The following C12orf60 variants were observed in gnomAD, a reference collection of about 807,000 sequenced individuals.
The protein encoded by C12orf60 is uncharacterized protein C12orf60.
For missense variants in C12orf60, 284 were observed against 283.2 expected, an observed-to-expected ratio of 1.00 and a Z score of -0.02; for synonymous variants, 102 against 94.6, an observed-to-expected ratio of 1.08 and a Z score of -0.45.
rs777335260 is a variant in C12orf60, at chr12:14,823,274, A to G, written c.339A>G (p.Glu113=). The change falls in exon 2 of 2, where the codon GAA becomes GAG. Residue 113 remains glutamate, a synonymous_variant. Transcript: ENST00000330828. ...AGGAGTTGCATCAGTCAGCTAAAGAAGTATTCAAAAGTGCCCATACGCCAG... is the reference window on the plus strand; with the variant it reads ...AGGAGTTGCATCAGTCAGCTAAAGAGGTATTCAAAAGTGCCCATACGCCAG... ...NVEELHQSAK[E]VFKSAHTPVI... 1 of 1,614,144 alleles carries G rather than the reference A, an allele frequency of 6.2e-7. No individual in the cohort carries two copies. The highest frequency in any genetic ancestry group is 1.7e-5 in the Admixed American group (1 of 60,024).
At chr12:14,805,017 G>A (rs1296606809) in intron 1 of C12orf60, 3 of 152,184 alleles carry the variant, frequency 2.0e-5, no homozygotes, top group East Asian at 1.9e-4. Context: ...GAGATTCAGC[G>A]GAACCATTAA....
Position 14,823,491 on chromosome 12 carries a change from G to A in C12orf60, c.556G>A (p.Asp186Asn). 1.9e-6 allele frequency: 3 copies of A among 1,612,918 alleles called. No individual in the cohort carries two copies. The highest frequency in any genetic ancestry group is 2.5e-6 in the Non-Finnish European group (3 of 1,179,736). ...PPGSSKTTMI[D>N]TLKKLQDVLK... is the part of the protein sequence containing the mutation. ...AGGTTCTTCCAAAACCACTATGATAGACACCTTGAAAAAACTGCAGGATGT... is the reference window on the plus strand; with the variant it reads ...AGGTTCTTCCAAAACCACTATGATAAACACCTTGAAAAAACTGCAGGATGT... The change falls in exon 2 of 2, where the codon GAC (aspartate) becomes AAC (asparagine). Residue 186 changes from aspartate to asparagine, a missense_variant. Asp to Asn is a conservative substitution (Grantham distance 23, BLOSUM62 1). Coordinates refer to ENST00000330828, the MANE Select transcript of C12orf60 (RefSeq NM_175874.4).
chr12:14,814,748 A>C (rs150301887), intron 1 of C12orf60, among the ~76,000 whole-genome samples: 70 of 152,280 alleles, frequency 4.6e-4, no homozygotes, highest in African/African-American at 1.7e-3. Flanking sequence ...TTTCCCTGAA[A>C]GCTCAGATCA....
rs141381991 is a variant in C12orf60, at chr12:14,803,755, C to G, written c.-25+4C>G. On this transcript the variant is annotated splice_donor_region_variant and intron_variant, in intron 1 of 1. Coordinates refer to ENST00000330828, the MANE Select transcript of C12orf60 (RefSeq NM_175874.4). ...TGACTTAGTTGCTGGGAGCCTGGTA[C>G]GTTGAGCCGTCCGAGAACGGTACAT... is the stretch of plus-strand genomic sequence containing the variant. 1 of 355,846 alleles carries G rather than the reference C, an allele frequency of 2.8e-6. No individual in the cohort carries two copies. The highest frequency in any genetic ancestry group is 5.0e-6 in the Non-Finnish European group (1 of 199,616). The allele number at this position is 355,846 out of a possible 1,614,324, so 22.0% of individuals were successfully genotyped here. A position where few individuals can be genotyped will look rare whatever the true frequency, so the allele number is the denominator to read the frequency against.
chr12:14,806,818 A>G, intron 1 of C12orf60: 1 of 893,362 alleles, frequency 1.1e-6, no homozygotes, highest in South Asian at 1.8e-5. Context: ...GTCTAAGGAT[A>G]ATTCCTCAGA....
Position 14,823,303 on chromosome 12 carries a change from T to C in C12orf60, c.368T>C (p.Ile123Thr). Residue 123 changes from isoleucine (I) to threonine (T), a missense_variant, in exon 2 of 2, where the codon ATC becomes ACC. By Grantham distance (89) the Ile-to-Thr change is moderately conservative. Coordinates refer to ENST00000330828, the MANE Select transcript of C12orf60 (RefSeq NM_175874.4). ...TTCAAAAGTGCCCATACGCCAGTCA[T>C]CATCTCTGTGCTAAACAGCAGTAAC... is the stretch of plus-strand genomic sequence containing the variant. ...EVFKSAHTPVIISVLNSSNIL... is the reference protein window; with the variant it reads ...EVFKSAHTPVTISVLNSSNIL... 6.2e-7 allele frequency: 1 copy of C among 1,614,162 alleles called. No individual in the cohort carries two copies. Among genetic ancestry groups the C allele is most frequent in the Non-Finnish European group, 8.5e-7 (1 of 1,180,024 alleles).
At chr12:14,806,129 T>C in intron 1 of C12orf60, 1 of 1,614,172 alleles carries the variant, frequency 6.2e-7, no homozygotes, top group South Asian at 1.1e-5. Flanking sequence ...GCTGTGTTTT[T>C]TCCACTGCTC....
chr12:14,813,527 CA>C (rs1476139291), intron 1 of C12orf60, among the ~76,000 whole-genome samples: 6 of 152,302 alleles, frequency 3.9e-5, no homozygotes, highest in Admixed American at 6.5e-5. Flanking sequence ...ATATTAAAGT[CA>C]TTCATCAGCA....
At position 14,823,541 on chromosome 12, in the gene C12orf60, T is replaced by C. The variant is rs561466160; in HGVS notation, c.606T>C (p.Asn202=). ...QDVLKTEDSK[N]PTKSAADLLE... is the part of the protein sequence containing the mutation. ...TACTAAAAACTGAGGATTCCAAAAA[T>C]CCCACAAAGTCAGCAGCAGATTTGT... The change falls in exon 2 of 2, where the codon AAT becomes AAC. Residue 202 remains asparagine, a synonymous_variant. Coordinates refer to ENST00000330828, the MANE Select transcript of C12orf60 (RefSeq NM_175874.4). 1.3e-5 allele frequency: 21 copies of C among 1,613,700 alleles called. No homozygotes were observed. In the Admixed American group the frequency reaches 2.8e-4, roughly 22 times the overall value.
At position 14,823,080 on chromosome 12, in the gene C12orf60, G is replaced by C. The variant is rs1284612873; in HGVS notation, c.145G>C (p.Ala49Pro). The C allele has an allele frequency of 3.7e-6, 6 of 1,613,998 alleles. No homozygotes were observed. In the African/African-American group the frequency reaches 8.0e-5, roughly 22 times the overall value. The change falls in exon 2 of 2, where the codon GCT (alanine) becomes CCT (proline). Residue 49 changes from alanine to proline, a missense_variant. Coordinates refer to ENST00000330828, the MANE Select transcript of C12orf60 (RefSeq NM_175874.4). ...TATGAATACTCAAATCCTTTTGATG[G>C]CTGTGAAAAACAATAGTTACATTAA... ...RSMNTQILLM[A>P]VKNNSYIKDF...
intron 1 of C12orf60, among the ~76,000 whole-genome samples, chr12:14,817,063 A>C (rs1042259002): frequency 6.6e-6 from 1 of 152,178 alleles, no homozygotes; most frequent in Non-Finnish European, 1.5e-5. Context: ...TATATGAGCC[A>C]CCATGCCCGG....
chr12:14,822,314 A>AACG (rs1055416356), intron 1 of C12orf60, among the ~76,000 whole-genome samples: 30 of 149,504 alleles, frequency 2.0e-4, no homozygotes, highest in African/African-American at 7.1e-4. Flanking sequence ...GGAGAAGACA[A>AACG]ACGACAACAA....
chr12:14,807,885 G>A (rs926252984), intron 1 of C12orf60, among the ~76,000 whole-genome samples: 4 of 152,158 alleles, frequency 2.6e-5, no homozygotes, highest in African/African-American at 9.7e-5. Flanking sequence ...AGAATAAGGG[G>A]CCGGGCATGG....
chr12:14,809,668 A>AT (rs1352430634), intron 1 of C12orf60, among the ~76,000 whole-genome samples: 5 of 152,178 alleles, frequency 3.3e-5, no homozygotes, highest in African/African-American at 9.7e-5. Context: ...AAAATGGATA[A>AT]TTTTCAAATA....
chr12:14,805,936 C>T (rs1950040805), intron 1 of C12orf60: 1 of 1,457,768 alleles, frequency 6.9e-7, no homozygotes, highest in African/African-American at 1.4e-5. Context: ...TGAACCTAAT[C>T]AAAGAAGCAA....
Position 14,803,755 on chromosome 12 carries a change from C to T in C12orf60, c.-25+4C>T, listed in dbSNP as rs141381991. ...TGACTTAGTTGCTGGGAGCCTGGTA[C>T]GTTGAGCCGTCCGAGAACGGTACAT... On this transcript the variant is annotated splice_donor_region_variant and intron_variant, in intron 1 of 1. Transcript: ENST00000330828. The T allele has an allele frequency of 1.7e-4, 59 of 355,964 alleles. No homozygotes were observed. The highest frequency in any genetic ancestry group is 1.5e-3 in the East Asian group (37 of 23,932). 22.1% of individuals were successfully genotyped at this position (355,964 alleles called of 1,614,324 possible). A position where few individuals can be genotyped will look rare whatever the true frequency, so the allele number is the denominator to read the frequency against.
chr12:14,808,972 T>G (rs1005095227), intron 1 of C12orf60, among the ~76,000 whole-genome samples: 2 of 152,234 alleles, frequency 1.3e-5, no homozygotes, highest in African/African-American at 4.8e-5. Context: ...ATTTTCTTTT[T>G]TCTTCTAGTA....
intron 1 of C12orf60, among the ~76,000 whole-genome samples, chr12:14,815,996 C>A (rs1950209963): frequency 6.6e-6 from 1 of 152,190 alleles, no homozygotes; most frequent in Non-Finnish European, 1.5e-5. Flanking sequence ...CATACTGAGC[C>A]CCCTAATCAA....
At chr12:14,807,614 A>T (rs1370680266) in intron 1 of C12orf60, among the ~76,000 whole-genome samples, 1 of 152,228 alleles carries the variant, frequency 6.6e-6, no homozygotes, top group Non-Finnish European at 1.5e-5. Flanking sequence ...GGCAACATGT[A>T]TATCATGCTA....
Sources: allele counts gnomAD v4.1 joint callset (sites outside exome capture counted in the v4.1 genomes callset), GRCh38; gene constraint gnomAD v4.1.1; transcripts MANE v1.5; gene names NCBI Gene and HGNC (gene_info 2026-07-23, HGNC 2026-07-21).